Variants in RC3H1 observed in about 807,000 individuals in gnomAD.
The protein encoded by RC3H1 is roquin-1.
Under a neutral mutation model 138.2 loss-of-function variants are expected in RC3H1, and 50 were observed. The observed-to-expected ratio is 0.36, with a 90% confidence interval of 0.29 to 0.46. RC3H1 has a LOEUF of 0.46. Among genes scored for constraint, RC3H1 ranks in the 20% least tolerant of loss-of-function variants. The probability of loss-of-function intolerance (pLI) is 1.00; values close to 1 mark genes in which losing one functional copy is unlikely to be tolerated. For synonymous variants in RC3H1, 462 were observed against 489.1 expected (o/e 0.94, Z 0.73); for missense variants, 1,031 against 1,388.1 (o/e 0.74, Z 4.09).
chr1:173,947,038 C>A (rs1489499554), intron 15 of RC3H1, among the ~76,000 whole-genome samples: 2 of 152,166 alleles, frequency 1.3e-5, no homozygotes, highest in Admixed American at 1.3e-4. Flanking sequence ...TTTGTTTCTT[C>A]CCCAATGAAC....
intron 5 of RC3H1, 100 bp downstream of exon 5, chr1:173,982,626 GA>G: frequency 9.5e-7 from 1 of 1,055,188 alleles, no homozygotes; most frequent in Non-Finnish European, 1.3e-6. Flanking sequence ...GAGATTTTCT[GA>G]AAAGATACAG....
chr1:173,980,319 T>C (rs1187105212), intron 6 of RC3H1, among the ~76,000 whole-genome samples: 1 of 151,002 alleles, frequency 6.6e-6, no homozygotes, highest in East Asian at 1.9e-4. Context: ...TACTCTACAC[T>C]GAGAATGGTC....
chr1:173,987,477 G>C (rs979018109), intron 2 of RC3H1, among the ~76,000 whole-genome samples: 10 of 152,152 alleles, frequency 6.6e-5, no homozygotes, highest in Non-Finnish European at 1.3e-4. Flanking sequence ...ATTACTCTGT[G>C]TATGTGTCTG....
intron 17 of RC3H1, among the ~76,000 whole-genome samples, chr1:173,946,201 C>A (rs1053036090): frequency 4.6e-5 from 7 of 151,408 alleles, no homozygotes; most frequent in African/African-American, 1.7e-4. Flanking sequence ...AACAAACAAA[C>A]AAACAAAAAA....
At chr1:173,983,372 C>T (rs922791552) in intron 4 of RC3H1, 46 bp downstream of exon 4, 4 of 1,604,010 alleles carry the variant, frequency 2.5e-6, no homozygotes, top group Non-Finnish European at 3.4e-6. Context: ...CTACATCATA[C>T]TTTTAGAATT....
At chr1:173,988,673 TGA>T (rs1221209318) in intron 2 of RC3H1, among the ~76,000 whole-genome samples, 2 of 152,244 alleles carry the variant, frequency 1.3e-5, no homozygotes, top group African/African-American at 4.8e-5. Context: ...TCCAAAAAGA[TGA>T]GAGTTTTTGT....
intron 10 of RC3H1, 97 bp downstream of exon 10, chr1:173,964,741 AG>A (rs1660029378): frequency 1.7e-6 from 2 of 1,168,050 alleles, no homozygotes; most frequent in Admixed American, 4.7e-5. Flanking sequence ...AAAAATAATC[AG>A]GGTTTTTTTT....
At chr1:173,964,782 C>T in intron 10 of RC3H1, 57 bp downstream of exon 10, 7 of 1,374,622 alleles carry the variant, frequency 5.1e-6, no homozygotes, top group Admixed American at 2.2e-5. Flanking sequence ...ATTATTCTAT[C>T]TTCCTTCGAC....
rs557139561 is a variant in RC3H1, at chr1:174,015,611, C to T, written c.-151+6485G>A. Reference sequence around the variant, plus strand: ...TCGACTCCTGACCTTGTGACCTACCCGCCTCAGCCTCCCGAAGTTCTGGGA... The same window carrying T: ...TCGACTCCTGACCTTGTGACCTACCTGCCTCAGCCTCCCGAAGTTCTGGGA... On this transcript the variant is annotated intron_variant, in intron 1 of 19. Transcript: ENST00000367696. 5.3e-5 allele frequency among the ~76,000 whole-genome samples: 8 copies of T among 151,906 alleles called. No individual in the cohort carries two copies. The East Asian group carries it at 5.8e-4, about 11-fold the overall frequency.
chr1:173,975,617 G>GTGAGTTACATAAATTATATTTGAAGCTAT (rs1170222117), intron 7 of RC3H1, among the ~76,000 whole-genome samples: 7 of 121,454 alleles, frequency 5.8e-5, no homozygotes, highest in African/African-American at 1.5e-4. Flanking sequence ...CAGTAAATTT[G>GTGAGTTACATAAATTATATTTGAAGCTAT]GCCGGGCGCG....
At chr1:173,961,672 A>G in intron 12 of RC3H1, 53 bp downstream of exon 12, 1 of 1,508,220 alleles carries the variant, frequency 6.6e-7, no homozygotes, top group South Asian at 1.3e-5. Flanking sequence ...GTAAGGAATC[A>G]CAGCAAGCAA....
intron 9 of RC3H1, among the ~76,000 whole-genome samples, 176 bp downstream of exon 9, chr1:173,970,329 G>A (rs1467095594): frequency 6.6e-6 from 1 of 152,186 alleles, no homozygotes; most frequent in African/African-American, 2.4e-5. Context: ...TGGCTTTCAA[G>A]CATTTTTGGA....
chr1:173,957,539 A>T (rs1659698861), intron 13 of RC3H1, among the ~76,000 whole-genome samples: 1 of 152,070 alleles, frequency 6.6e-6, no homozygotes, highest in Admixed American at 6.6e-5. Flanking sequence ...AAAAAATATC[A>T]CACCTGTTTT....
At chr1:173,952,362 GT>G (rs1232633143) in intron 13 of RC3H1, among the ~76,000 whole-genome samples, 1,396 of 90,078 alleles carry the variant, frequency 0.015, 34 homozygotes, top group African/African-American at 0.054. Flanking sequence ...TAGCTTTCAG[GT>G]TTTTTTTTTT....
chr1:173,946,936 T>G (rs768675653), intron 15 of RC3H1, 100 bp from the exon 16 acceptor site: 80 of 785,050 alleles, frequency 1.0e-4, no homozygotes, highest in Non-Finnish European at 1.7e-4. Context: ...TACACAGGTA[T>G]CTGGTATCTA....
At position 173,931,210 on chromosome 1, in the gene RC3H1, C is replaced by G. The variant is rs1430306881; in HGVS notation, c.*7511G>C. 6.6e-6 allele frequency: 1 copy of G among 152,220 alleles called. No homozygotes were observed. Among genetic ancestry groups the G allele is most frequent in the Non-Finnish European group, 1.5e-5 (1 of 68,038 alleles). The allele number at this position is 152,220 out of a possible 1,614,324, so 9.4% of individuals were successfully genotyped here. Reference sequence around the variant, plus strand: ...GGCACACACTCATTTACAAAATACACACGTTCCTCATTAATTTATCATTTA... The same window carrying G: ...GGCACACACTCATTTACAAAATACAGACGTTCCTCATTAATTTATCATTTA... On this transcript the variant is annotated 3_prime_UTR_variant, in exon 20 of 20. Coordinates refer to ENST00000367696, the MANE Select transcript of RC3H1 (RefSeq NM_172071.4).
intron 1 of RC3H1, among the ~76,000 whole-genome samples, chr1:174,007,131 T>C (rs1661668293): frequency 6.6e-6 from 1 of 152,188 alleles, no homozygotes; most frequent in Admixed American, 6.5e-5. Context: ...GGCTCACGCC[T>C]GTAATCCCAG....
intron 19 of RC3H1, among the ~76,000 whole-genome samples, chr1:173,940,063 T>C (rs1166768646): frequency 1.3e-5 from 2 of 152,210 alleles, no homozygotes; most frequent in African/African-American, 4.8e-5. Context: ...ATATGTATCT[T>C]TCCGTATCTA....
At chr1:173,948,875 C>A (rs1211140992) in intron 14 of RC3H1, among the ~76,000 whole-genome samples, 2 of 152,018 alleles carry the variant, frequency 1.3e-5, no homozygotes, top group African/African-American at 4.8e-5. Context: ...TTTGAGTCAC[C>A]ATGCCTGGCC....
Sources: allele counts gnomAD v4.1 joint callset (sites outside exome capture counted in the v4.1 genomes callset), GRCh38; gene constraint gnomAD v4.1.1; transcripts MANE v1.5; gene names NCBI Gene and HGNC (gene_info 2026-07-23, HGNC 2026-07-21).